Variants in NYAP2 observed in about 807,000 individuals in gnomAD.
NYAP2 encodes neuronal tyrosine-phosphorylated phosphoinositide-3-kinase adapter 2.
NYAP2 carries 23 observed loss-of-function variants against 50.4 expected under a neutral mutation model. The observed-to-expected ratio is 0.46, with a 90% CI of 0.33 to 0.65. The LOEUF (loss-of-function observed/expected upper bound fraction) is 0.65, where lower values mean the gene tolerates loss of function less well. NYAP2 is among the 30% of genes least tolerant of loss of function. The probability of loss-of-function intolerance (pLI) is 0.02; values close to 1 mark genes in which losing one functional copy is unlikely to be tolerated. For missense variants in NYAP2, 885 were observed against 861.0 expected (o/e 1.03, Z -0.35); for synonymous variants, 394 against 365.2 (o/e 1.08, Z -0.90).
downstream of NYAP2, among the ~76,000 whole-genome samples, chr2:225,656,134 T>G (rs1039285351): frequency 6.6e-6 from 1 of 151,892 alleles, no homozygotes; most frequent in Non-Finnish European, 1.5e-5. Context: ...GGGAGGGAGG[T>G]AGGAAAAGGT....
At chr2:225,461,057 C>T (rs1292846282) in intron 3 of NYAP2, among the ~76,000 whole-genome samples, 1 of 149,288 alleles carries the variant, frequency 6.7e-6, no homozygotes, top group Non-Finnish European at 1.5e-5. Flanking sequence ...CATTTGTACA[C>T]TGCCATGGTG....
At chr2:225,648,597 T>C (rs2106270788) in intron 6 of NYAP2, among the ~76,000 whole-genome samples, 1 of 152,162 alleles carries the variant, frequency 6.6e-6, no homozygotes. Context: ...ACTAAATTTA[T>C]AGAGAGAGGA....
chr2:225,556,668 G>C (rs568353808), intron 4 of NYAP2, among the ~76,000 whole-genome samples: 5 of 152,112 alleles, frequency 3.3e-5, no homozygotes, highest in African/African-American at 1.2e-4. Context: ...GCTCCCCCTG[G>C]GTGCAATAGT....
intron 4 of NYAP2, among the ~76,000 whole-genome samples, chr2:225,559,016 C>A (rs756998806): frequency 6.6e-6 from 1 of 152,158 alleles, no homozygotes; most frequent in South Asian, 2.1e-4. Flanking sequence ...TTTATGACAA[C>A]CTGGAGAAAT....
At chr2:225,603,507 G>A (rs193274180) in intron 5 of NYAP2, among the ~76,000 whole-genome samples, 38 of 152,172 alleles carry the variant, frequency 2.5e-4, no homozygotes, top group African/African-American at 8.4e-4. Context: ...CTGTCACCCC[G>A]CTGGAGTGCA....
intron 4 of NYAP2, among the ~76,000 whole-genome samples, chr2:225,515,557 G>A (rs1485981315): frequency 6.6e-6 from 1 of 152,016 alleles, no homozygotes; most frequent in Admixed American, 6.6e-5. Flanking sequence ...ATGATTCAGA[G>A]TTATCAGTAA....
chr2:225,451,806 A>G lies in NYAP2; in HGVS notation c.221+42705A>G, dbSNP rs184502672. Among the ~76,000 whole-genome samples, 21 of 152,318 alleles carry G rather than the reference A, an allele frequency of 1.4e-4. No homozygotes were observed. In the East Asian group the frequency reaches 3.7e-3, roughly 27 times the overall value. Reference sequence around the variant, plus strand: ...GAATGGAAATTTCATTCATTTGTACATTCATTCAACAAACATTTCCTGAAT... The same window carrying G: ...GAATGGAAATTTCATTCATTTGTACGTTCATTCAACAAACATTTCCTGAAT... On this transcript the variant is annotated intron_variant, in intron 3 of 6. Transcript: ENST00000636099.
intron 4 of NYAP2, among the ~76,000 whole-genome samples, chr2:225,545,993 A>C (rs999762860): frequency 1.3e-5 from 2 of 152,164 alleles, no homozygotes; most frequent in African/African-American, 4.8e-5. Flanking sequence ...TCTGTAGATT[A>C]CCCAGCTCTC....
At chr2:225,467,030 T>C (rs1455439152) in intron 3 of NYAP2, among the ~76,000 whole-genome samples, 4 of 152,190 alleles carry the variant, frequency 2.6e-5, no homozygotes, top group African/African-American at 9.7e-5. Context: ...CTTGGGGTTT[T>C]CTACGTTGGC....
At chr2:225,515,543 T>G (rs556569164) in intron 4 of NYAP2, among the ~76,000 whole-genome samples, 1 of 152,264 alleles carries the variant, frequency 6.6e-6, no homozygotes, top group East Asian at 1.9e-4. Context: ...TGATTCTTTT[T>G]CTCATGATTC....
At chr2:225,661,723 T>G in the NYAP2 span, among the ~76,000 whole-genome samples, 1 of 97,052 alleles carries the variant, frequency 1.0e-5, no homozygotes, top group African/African-American at 2.8e-5. Flanking sequence ...GAATTTGCTC[T>G]CTCTTTTTTT....
chr2:225,550,554 T>C (rs1691654963), intron 4 of NYAP2, among the ~76,000 whole-genome samples: 1 of 152,176 alleles, frequency 6.6e-6, no homozygotes, highest in South Asian at 2.1e-4. Flanking sequence ...CATAATTTTT[T>C]GAGACAGTTG....
chr2:225,540,073 G>A (rs9967752), intron 4 of NYAP2, among the ~76,000 whole-genome samples: 2,883 of 152,216 alleles, frequency 0.019, 100 homozygotes, highest in African/African-American at 0.066. Context: ...CTGAGACCAC[G>A]TCAGCCTGGA....
chr2:225,484,899 T>C (rs1339120101), intron 3 of NYAP2, among the ~76,000 whole-genome samples: 1 of 152,210 alleles, frequency 6.6e-6, no homozygotes, highest in Non-Finnish European at 1.5e-5. Flanking sequence ...AAACTTGGGC[T>C]TCACCCCAGT....
Position 225,548,175 on chromosome 2 carries a change from G to A in NYAP2, c.524-33766G>A, listed in dbSNP as rs563258009. 4.0e-5 allele frequency among the ~76,000 whole-genome samples: 6 copies of A among 151,460 alleles called. No homozygotes were observed. In the South Asian group the frequency reaches 1.3e-3, roughly 32 times the overall value. On this transcript the variant is annotated intron_variant, in intron 4 of 6. Transcript: ENST00000636099. ...TTGAACTGAGGAGATGTTGTCTGTGGAAAATTTTTATCTGGAGAAATATTT... is the reference window on the plus strand; with the variant it reads ...TTGAACTGAGGAGATGTTGTCTGTGAAAAATTTTTATCTGGAGAAATATTT...
chr2:225,596,324 TGACA>T (rs1692596472), intron 5 of NYAP2, among the ~76,000 whole-genome samples: 1 of 152,224 alleles, frequency 6.6e-6, no homozygotes, highest in African/African-American at 2.4e-5. Flanking sequence ...GACATATGAC[TGACA>T]GTGTTGTAAA....
At chr2:225,696,810 G>T in the NYAP2 span, among the ~76,000 whole-genome samples, 1 of 151,872 alleles carries the variant, frequency 6.6e-6, no homozygotes, top group Non-Finnish European at 1.5e-5. Context: ...GCCATTTGTT[G>T]GCTCTGTAAC....
intron 3 of NYAP2, among the ~76,000 whole-genome samples, chr2:225,472,630 A>G (rs1574632009): frequency 6.6e-6 from 1 of 152,180 alleles, no homozygotes; most frequent in Non-Finnish European, 1.5e-5. Flanking sequence ...GGCTGTGTAA[A>G]AATCATAGGA....
At chr2:225,663,333 C>A in the NYAP2 span, among the ~76,000 whole-genome samples, 3 of 152,304 alleles carry the variant, frequency 2.0e-5, no homozygotes, top group South Asian at 6.2e-4. Flanking sequence ...TTCCCAGATC[C>A]ATTCTTCACA....
Sources: allele counts gnomAD v4.1 joint callset (sites outside exome capture counted in the v4.1 genomes callset), GRCh38; gene constraint gnomAD v4.1.1; transcripts MANE v1.5; gene names NCBI Gene and HGNC (gene_info 2026-07-23, HGNC 2026-07-21).